The following EPHA6 variants were observed in gnomAD, a reference collection of about 807,000 sequenced individuals.
The protein encoded by EPHA6 is EPH receptor A6, also known as ephrin type-A receptor 6.
In EPHA6, 50 loss-of-function variants were observed where a neutral mutation model predicts 112.0. The ratio of observed to expected loss-of-function variants is 0.45; its 90% CI spans 0.36 to 0.56. The LOEUF is 0.56. EPHA6 is among the 20% of genes least tolerant of loss of function. The probability of loss-of-function intolerance (pLI) is 0.00; values close to 1 mark genes in which losing one functional copy is unlikely to be tolerated. For missense variants in EPHA6, 1,280 were observed against 1,417.4 expected (o/e 0.90, Z 1.56); for synonymous variants, 529 against 490.7 (o/e 1.08, Z -1.03).
At chr3:97,302,475 G>T (rs1312999295) in intron 5 of EPHA6, among the ~76,000 whole-genome samples, 9 of 149,720 alleles carry the variant, frequency 6.0e-5, no homozygotes, top group Admixed American at 6.0e-4. Flanking sequence ...TTAACCTCAG[G>T]TGTTTTTTTT....
At chr3:97,451,027 C>T (rs1171235883) in intron 7 of EPHA6, among the ~76,000 whole-genome samples, 4 of 151,840 alleles carry the variant, frequency 2.6e-5, no homozygotes, top group Admixed American at 6.6e-5. Context: ...GCATAAAGGC[C>T]TCTAACAACA....
chr3:96,970,829 G>C (rs2042293039), intron 2 of EPHA6, among the ~76,000 whole-genome samples: 1 of 152,066 alleles, frequency 6.6e-6, no homozygotes. Flanking sequence ...ACTCAGATGA[G>C]TCAATTCCCT....
intron 14 of EPHA6, among the ~76,000 whole-genome samples, chr3:97,669,773 T>A (rs376315668): frequency 5.9e-4 from 90 of 152,298 alleles, no homozygotes; most frequent in African/African-American, 2.0e-3. Context: ...TCAGGTTAGT[T>A]GTATTTAGTA....
chr3:96,848,740 A>G (rs903396126), intron 1 of EPHA6, among the ~76,000 whole-genome samples: 1 of 152,118 alleles, frequency 6.6e-6, no homozygotes, highest in Non-Finnish European at 1.5e-5. Flanking sequence ...AGACAGGGTA[A>G]ATGTGTCATG....
chr3:97,115,884 G>A (rs1488183660), intron 3 of EPHA6, among the ~76,000 whole-genome samples: 1 of 151,778 alleles, frequency 6.6e-6, no homozygotes, highest in African/African-American at 2.4e-5. Flanking sequence ...CATGTGAAAA[G>A]CACTTTTAAA....
chr3:96,817,506 C>G (rs572261699), intron 1 of EPHA6, among the ~76,000 whole-genome samples: 89 of 151,668 alleles, frequency 5.9e-4, no homozygotes, highest in Admixed American at 4.1e-3. Flanking sequence ...TAAAAATAAA[C>G]AGTAATATAA....
At chr3:97,409,693 A>G (rs1350864825) in intron 6 of EPHA6, among the ~76,000 whole-genome samples, 1 of 152,100 alleles carries the variant, frequency 6.6e-6, no homozygotes, top group Non-Finnish European at 1.5e-5. Flanking sequence ...ATCAACTGGT[A>G]GCTCATTTTG....
At chr3:96,815,076 G>A in intron 1 of EPHA6, 68 bp downstream of exon 1, 2 of 1,420,904 alleles carry the variant, frequency 1.4e-6, no homozygotes, top group Non-Finnish European at 1.9e-6. Flanking sequence ...CAGGGTACTG[G>A]TTGCCTCCTG....
chr3:97,180,660 G>A lies in EPHA6; in HGVS notation c.1115-45604G>A, dbSNP rs1041247605. Among the ~76,000 whole-genome samples, 11 of 152,016 alleles carry A rather than the reference G, an allele frequency of 7.2e-5. No homozygotes were observed. The East Asian group carries it at 2.1e-3, about 29-fold the overall frequency. On this transcript the variant is annotated intron_variant, in intron 3 of 17. Transcript: ENST00000389672. ...CTAGAAATGTCATCTGGGAGCTAGG[G>A]CCTGGAATGGGAGACTCACAACTCT...
chr3:97,377,739 C>G (rs973902471), intron 5 of EPHA6, among the ~76,000 whole-genome samples: 2 of 152,170 alleles, frequency 1.3e-5, no homozygotes, highest in Non-Finnish European at 2.9e-5. Context: ...AGACTGGCGG[C>G]ATTTTGCCCC....
chr3:97,098,457 A>G (rs2047309845), intron 3 of EPHA6, among the ~76,000 whole-genome samples: 1 of 151,856 alleles, frequency 6.6e-6, no homozygotes, highest in African/African-American at 2.4e-5. Context: ...TGAATAGGCA[A>G]CAGAATTTAT....
chr3:97,260,645 A>G (rs907682191), intron 5 of EPHA6, among the ~76,000 whole-genome samples: 11 of 152,214 alleles, frequency 7.2e-5, no homozygotes, highest in African/African-American at 2.4e-4. Context: ...CTGTTACAAG[A>G]TGCACAGTTT....
chr3:96,946,096 T>A (rs933436778), intron 2 of EPHA6, among the ~76,000 whole-genome samples: 11 of 152,214 alleles, frequency 7.2e-5, no homozygotes, highest in Non-Finnish European at 1.6e-4. Flanking sequence ...AAATGTAGCC[T>A]CTTAAGATTG....
chr3:97,269,194 C>T (rs539938741), intron 5 of EPHA6, among the ~76,000 whole-genome samples: 3 of 152,198 alleles, frequency 2.0e-5, no homozygotes, highest in Non-Finnish European at 2.9e-5. Context: ...CTAAGTATTG[C>T]GGAGGACTGT....
intron 15 of EPHA6, among the ~76,000 whole-genome samples, chr3:97,728,501 G>A (rs550619523): frequency 1.3e-5 from 2 of 152,172 alleles, no homozygotes; most frequent in African/African-American, 4.8e-5. Context: ...CAGTATAGAG[G>A]TCCATCTAAG....
At chr3:97,395,446 C>T (rs1335388129) in intron 5 of EPHA6, among the ~76,000 whole-genome samples, 2 of 151,742 alleles carry the variant, frequency 1.3e-5, no homozygotes, top group Non-Finnish European at 2.9e-5. Flanking sequence ...AAACATGTAT[C>T]ACATCTACAG....
chr3:97,708,942 A>T (rs1413928574), intron 14 of EPHA6, among the ~76,000 whole-genome samples: 3 of 152,186 alleles, frequency 2.0e-5, no homozygotes, highest in Non-Finnish European at 4.4e-5. Context: ...TAGATTTCAG[A>T]GGACGTATGG....
At chr3:97,080,072 G>T (rs2046673621) in intron 3 of EPHA6, among the ~76,000 whole-genome samples, 2 of 152,048 alleles carry the variant, frequency 1.3e-5, no homozygotes, top group Non-Finnish European at 1.5e-5. Flanking sequence ...TATTGGGGTG[G>T]TTTGTTACTG....
chr3:97,185,598 C>CT (rs2077104796), intron 3 of EPHA6, among the ~76,000 whole-genome samples: 1 of 152,020 alleles, frequency 6.6e-6, no homozygotes, highest in Non-Finnish European at 1.5e-5. Flanking sequence ...AACAGGAACA[C>CT]TTTTACACTG....
Sources: gnomAD v4.1 joint callset for allele counts (sites outside exome capture counted in the v4.1 genomes callset) on GRCh38, gnomAD v4.1.1 for gene constraint, MANE v1.5 for transcripts, NCBI Gene and HGNC (gene_info 2026-07-23, HGNC 2026-07-21) for gene names.